Variants in SUN1 observed in about 807,000 individuals in gnomAD.
SUN1 encodes Sad1 and UNC84 domain containing 1, also known as SUN domain-containing protein 1.
SUN1 carries 61 observed loss-of-function variants against 103.2 expected under a neutral mutation model. That is an observed-to-expected ratio of 0.59 (90% CI 0.48 to 0.73). The LOEUF (loss-of-function observed/expected upper bound fraction) is 0.73. Among genes scored for constraint, SUN1 ranks in the 30% least tolerant of loss-of-function variants. The pLI, the probability that SUN1 is intolerant of heterozygous loss-of-function variation, is 0.00. For synonymous variants in SUN1, 490 were observed against 425.7 expected (o/e 1.15, Z -1.86); for missense variants, 1,052 against 1,034.6 (o/e 1.02, Z -0.23).
At chr7:862,436 G>C (rs1832936743) in intron 15 of SUN1, among the ~76,000 whole-genome samples, 1 of 152,206 alleles carries the variant, frequency 6.6e-6, no homozygotes, top group African/African-American at 2.4e-5. Context: ...GGTGGCTGCA[G>C]ACTGAAGTCG....
chr7:857,008 T>C (rs1300132325), intron 12 of SUN1, among the ~76,000 whole-genome samples: 1 of 152,224 alleles, frequency 6.6e-6, no homozygotes, highest in African/African-American at 2.4e-5. Flanking sequence ...ATTTTGCTCC[T>C]CACTCAGGGC....
chr7:867,068 C>A (rs1034179853), intron 16 of SUN1, among the ~76,000 whole-genome samples: 3 of 152,230 alleles, frequency 2.0e-5, no homozygotes, highest in African/African-American at 7.2e-5. Flanking sequence ...TGAAAGAATT[C>A]ATGAAGTGCC....
intron 13 of SUN1, among the ~76,000 whole-genome samples, chr7:859,806 C>T (rs10257093): frequency 0.46 from 69,350 of 152,058 alleles, 15,977 homozygotes; most frequent in East Asian, 0.64. Context: ...TGCACCTGTG[C>T]GCCTCGCTGC....
At chr7:819,380 G>C (rs1233141331) in intron 1 of SUN1, among the ~76,000 whole-genome samples, 1 of 151,888 alleles carries the variant, frequency 6.6e-6, no homozygotes, top group Non-Finnish European at 1.5e-5. Context: ...TTCTTTTGTT[G>C]CTCATGCTTT....
In SUN1 at chr7:861,402, G is replaced by C. The variant is rs1163475842; in HGVS notation, c.1802G>C (p.Ser601Thr). Reference protein sequence around the residue: ...TEAQARAIVNSALKLYSQDKT... With the variant: ...TEAQARAIVNTALKLYSQDKT... ...CAGCAAGCACGTGCCATCGTGAACA[G>C]CGCCTTGAAGCTGTATTCCCAAGAT... The change falls in exon 15 of 19, where the codon AGC becomes ACC. Residue 601 changes from serine to threonine, a missense_variant. Transcript: ENST00000401592. The C allele has an allele frequency of 6.2e-7, 1 of 1,614,232 alleles. No homozygotes were observed. The highest frequency in any genetic ancestry group is 1.7e-5 in the Admixed American group (1 of 60,018).
chr7:849,881 T>C (rs1820240637), intron 5 of SUN1: 1 of 1,564,806 alleles, frequency 6.4e-7, no homozygotes, highest in Non-Finnish European at 8.6e-7. Context: ...CAGAGTTTGC[T>C]TGTGAATCCG....
chr7:858,940 G>A (rs1829978414), intron 13 of SUN1, among the ~76,000 whole-genome samples: 1 of 152,148 alleles, frequency 6.6e-6, no homozygotes, highest in African/African-American at 2.4e-5. Context: ...GATCACCTGA[G>A]GTCAGAAGTT....
Position 843,395 on chromosome 7 carries a change from C to G in SUN1, c.533C>G (p.Thr178Ser). The change falls in exon 5 of 19, where the codon ACC becomes AGC. Residue 178 changes from threonine to serine, a missense_variant. This residue lies in a region of SUN1 where 846 missense variants were observed against 774.5 expected (regional missense o/e 1.09). Transcript: ENST00000401592. ...GNGDVGAAAA[T>S]AHNGFSCSNC... is the part of the protein sequence containing the mutation. ...GGGGATGTGGGAGCCGCCGCCGCCA[C>G]CGCGCACAACGGCTTCTCCTGCAGC... 1 of 1,611,682 alleles carries G rather than the reference C, an allele frequency of 6.2e-7. No individual in the cohort carries two copies. Among genetic ancestry groups the G allele is most frequent in the South Asian group, 1.1e-5 (1 of 90,758 alleles).
intron 8 of SUN1, 28 bp from the exon 9 acceptor site, chr7:852,782 T>G: frequency 6.2e-7 from 1 of 1,611,560 alleles, no homozygotes; most frequent in South Asian, 1.1e-5. Context: ...GGTGTACCTG[T>G]GTGTGTGTGG....
At chr7:816,628 G>A (rs768988071) in exon 1 of SUN1, 1 of 366,434 alleles carries the variant, frequency 2.7e-6, no homozygotes, top group Non-Finnish European at 5.3e-6. Context: ...GCGTCTTCTC[G>A]GGCCTGGGCG....
chr7:820,310 C>G lies in SUN1; in HGVS notation c.-74+3637C>G, dbSNP rs562147240. Among the ~76,000 whole-genome samples, 7 of 152,250 alleles carry G rather than the reference C, an allele frequency of 4.6e-5. No individual in the cohort carries two copies. The South Asian group carries it at 1.5e-3, about 32-fold the overall frequency. On this transcript the variant is annotated intron_variant, in intron 1 of 17. Coordinates refer to the SUN1 transcript ENST00000389574. ...TGCACTTCCTTGGTTAAATTTATTC[C>G]TAAGTTTTTAATACTTTCTGGTGCT...
At chr7:849,812 T>C in intron 5 of SUN1, 1 of 1,223,004 alleles carries the variant, frequency 8.2e-7, no homozygotes, top group Non-Finnish European at 1.2e-6. Flanking sequence ...GACTGTCTCG[T>C]GTGTAATTGA....
At chr7:825,745 T>C (rs1188834456) in intron 1 of SUN1, among the ~76,000 whole-genome samples, 2 of 152,232 alleles carry the variant, frequency 1.3e-5, no homozygotes, top group Non-Finnish European at 1.5e-5. Context: ...AGTAATTACA[T>C]GAGCATGATC....
chr7:839,645 C>T lies in SUN1; in HGVS notation c.266+659C>T, dbSNP rs541872452. Among the ~76,000 whole-genome samples, 6 of 113,056 alleles carry T rather than the reference C, an allele frequency of 5.3e-5. 2 individuals are homozygous for T. The highest frequency in any genetic ancestry group is 1.6e-4 in the African/African-American group (5 of 30,368). 74.2% of individuals were successfully genotyped at this position (113,056 alleles called of 152,430 possible). On this transcript the variant is annotated intron_variant, in intron 2 of 18. Transcript: ENST00000401592. ...TTGGCTCACTGCAGCCTCTGCCTCC[C>T]GGGTTCAAGAGATTCTCCTGCCTCA... is the stretch of plus-strand genomic sequence containing the variant.
At chr7:853,684 C>T in intron 10 of SUN1, 66 bp downstream of exon 10, 2 of 1,540,896 alleles carry the variant, frequency 1.3e-6, no homozygotes, top group South Asian at 2.3e-5. Context: ...CATGTTCTCT[C>T]CTTTTGGGAG....
rs755410616 is a variant in SUN1, at chr7:853,416, G to T, written c.1061G>T (p.Ser354Ile). Reference sequence around the variant, plus strand: ...TCTCTCTTGCCATTTCAGGGTGACAGTGAGGCTTTTCCGTGGCATTGGATG... The same window carrying T: ...TCTCTCTTGCCATTTCAGGGTGACATTGAGGCTTTTCCGTGGCATTGGATG... ...SRLKQPLQGD[S>I]EAFPWHWMSG... is the part of the protein sequence containing the mutation. The change falls in exon 10 of 19, where the codon AGT becomes ATT. Residue 354 changes from serine (S) to isoleucine (I), a missense_variant. Ser to Ile is a moderately radical substitution (Grantham distance 142). Coordinates refer to ENST00000401592, the MANE Select transcript of SUN1 (RefSeq NM_001130965.3). 1.2e-6 allele frequency: 2 copies of T among 1,613,726 alleles called. No individual in the cohort carries two copies. The highest frequency in any genetic ancestry group is 1.7e-6 in the Non-Finnish European group (2 of 1,180,044).
chr7:854,106 T>C (rs560159303), intron 10 of SUN1, among the ~76,000 whole-genome samples: 1 of 152,302 alleles, frequency 6.6e-6, no homozygotes, highest in East Asian at 1.9e-4. Flanking sequence ...ATGCCTTCTC[T>C]TGTGAAGAAA....
At chr7:861,552 C>G (rs1832249051) in intron 15 of SUN1, 88 bp downstream of exon 15, 6 of 1,304,486 alleles carry the variant, frequency 4.6e-6, no homozygotes, top group South Asian at 2.4e-5. Flanking sequence ...TACCCCACTT[C>G]CAGCAGTAAG....
At chr7:831,166 G>T (rs962573957), upstream of SUN1, 1 of 348,346 alleles carries the variant, frequency 2.9e-6, no homozygotes, top group African/African-American at 2.2e-5. Flanking sequence ...CTGTTGAAGC[G>T]TAAGTTCCTG....
Sources: gnomAD v4.1 joint callset for allele counts (sites outside exome capture counted in the v4.1 genomes callset) on GRCh38, gnomAD v4.1.1 for gene constraint, gnomAD v4.1.1 regional missense constraint, MANE v1.5 for transcripts, NCBI Gene and HGNC (gene_info 2026-07-23, HGNC 2026-07-21) for gene names.